Variants in GRIA4 observed in about 807,000 individuals in gnomAD.
The protein encoded by GRIA4 is glutamate ionotropic receptor AMPA type subunit 4, also known as glutamate receptor 4.
Under a neutral mutation model 104.0 loss-of-function variants are expected in GRIA4, and 34 were observed. The ratio of observed to expected loss-of-function variants is 0.33; its 90% CI spans 0.25 to 0.44. GRIA4 has a LOEUF of 0.44. Among genes scored for constraint, GRIA4 ranks in the 20% least tolerant of loss-of-function variants. The pLI, the probability that GRIA4 is intolerant of heterozygous loss-of-function variation, is 1.00. For synonymous variants in GRIA4, 386 were observed against 381.9 expected (o/e 1.01, Z -0.13); for missense variants, 750 against 1,096.5 (o/e 0.68, Z 4.46).
chr11:105,685,872 C>G (rs11601239), intron 3 of GRIA4, among the ~76,000 whole-genome samples: 72,755 of 151,508 alleles, frequency 0.48, 18,128 homozygotes, highest in Admixed American at 0.58. Flanking sequence ...TAAGTGAATA[C>G]GTTTGAAATC....
chr11:105,680,372 C>T (rs1022220353), intron 3 of GRIA4, among the ~76,000 whole-genome samples: 2 of 152,030 alleles, frequency 1.3e-5, no homozygotes, highest in Non-Finnish European at 2.9e-5. Context: ...CATATACAGC[C>T]TCTTGAAGAA....
At chr11:105,655,053 CT>C (rs1450071337) in intron 3 of GRIA4, among the ~76,000 whole-genome samples, 1 of 152,134 alleles carries the variant, frequency 6.6e-6, no homozygotes, top group Non-Finnish European at 1.5e-5. Flanking sequence ...TGTAGAGACC[CT>C]TTTCTTAATT....
intron 3 of GRIA4, among the ~76,000 whole-genome samples, chr11:105,673,611 T>C (rs2135445124): frequency 6.6e-6 from 1 of 152,186 alleles, no homozygotes; most frequent in South Asian, 2.1e-4. Context: ...GGAAATATCT[T>C]GTATCCACTC....
intron 14 of GRIA4, among the ~76,000 whole-genome samples, chr11:105,938,508 C>T (rs1405746136): frequency 6.6e-6 from 1 of 152,124 alleles, no homozygotes; most frequent in South Asian, 2.1e-4. Flanking sequence ...GGTTGGTACA[C>T]AAACACATTT....
chr11:105,703,634 T>A (rs1446515671), intron 3 of GRIA4, among the ~76,000 whole-genome samples: 3 of 152,168 alleles, frequency 2.0e-5, no homozygotes, highest in Non-Finnish European at 2.9e-5. Flanking sequence ...GGTAAAATTA[T>A]GGATTTTTTT....
rs746006379 is a variant in GRIA4, at chr11:105,862,220, A to T, written c.672+12A>T. 5 of 1,484,076 alleles carry T rather than the reference A, an allele frequency of 3.4e-6. No homozygotes were observed. The highest frequency in any genetic ancestry group is 2.8e-6 in the Non-Finnish European group (3 of 1,064,220). The allele number at this position is 1,484,076 out of a possible 1,614,324, so 91.9% of individuals were successfully genotyped here. On this transcript the variant is annotated intron_variant, in intron 5 of 16. Transcript: ENST00000282499. ...ACATATTAGAACAGGTAAGTCCTAGATTTTATATTTTTAACCTAGACCCTA... is the reference window on the plus strand; with the variant it reads ...ACATATTAGAACAGGTAAGTCCTAGTTTTTATATTTTTAACCTAGACCCTA...
intron 11 of GRIA4, among the ~76,000 whole-genome samples, chr11:105,923,609 AG>A (rs1721270826): frequency 6.6e-6 from 1 of 152,214 alleles, no homozygotes; most frequent in Admixed American, 6.6e-5. Context: ...TGAGGTAAAC[AG>A]GGAAAAAGTA....
At chr11:105,705,857 A>C (rs1953678209) in intron 3 of GRIA4, among the ~76,000 whole-genome samples, 1 of 152,176 alleles carries the variant, frequency 6.6e-6, no homozygotes, top group Non-Finnish European at 1.5e-5. Flanking sequence ...GTTTAATAAA[A>C]CTGCATGTAC....
chr11:105,712,272 T>TC (rs1271988218), intron 3 of GRIA4, among the ~76,000 whole-genome samples: 20 of 152,084 alleles, frequency 1.3e-4, no homozygotes, highest in Non-Finnish European at 2.5e-4. Flanking sequence ...TTTTTCTCCA[T>TC]GGTAGAGAAC....
intron 3 of GRIA4, among the ~76,000 whole-genome samples, chr11:105,679,706 A>G (rs191823974): frequency 9.7e-4 from 147 of 152,314 alleles, no homozygotes; most frequent in Middle Eastern, 3.4e-3. Flanking sequence ...ATAAATATAT[A>G]TACACACACA....
chr11:105,964,954 C>T (rs1268673412), intron 14 of GRIA4, among the ~76,000 whole-genome samples: 1 of 151,992 alleles, frequency 6.6e-6, no homozygotes, highest in Non-Finnish European at 1.5e-5. Flanking sequence ...TTACAGGTGC[C>T]CACAACCATG....
Position 105,847,006 on chromosome 11 carries a change from C to T in GRIA4, c.488-15018C>T, listed in dbSNP as rs1049871062. ...TCTTTTTGGCACCGGGGACCGGTTT[C>T]CTGGAAGACAATTTTTCCAGGAAAA... is the stretch of plus-strand genomic sequence containing the variant. On this transcript the variant is annotated intron_variant, in intron 4 of 16. Coordinates refer to ENST00000282499, the MANE Select transcript of GRIA4 (RefSeq NM_000829.4). 5.9e-5 allele frequency among the ~76,000 whole-genome samples: 9 copies of T among 152,156 alleles called. No individual in the cohort carries two copies. In the South Asian group the frequency reaches 8.3e-4, roughly 14 times the overall value.
At chr11:105,661,638 TG>T (rs1033392507) in intron 3 of GRIA4, among the ~76,000 whole-genome samples, 1 of 151,260 alleles carries the variant, frequency 6.6e-6, no homozygotes, top group African/African-American at 2.4e-5. Context: ...TATAAATTGA[TG>T]AAAAAAATTA....
At chr11:105,623,484 T>C (rs1950807297) in intron 3 of GRIA4, among the ~76,000 whole-genome samples, 1 of 152,034 alleles carries the variant, frequency 6.6e-6, no homozygotes, top group Non-Finnish European at 1.5e-5. Flanking sequence ...ATTCCAACTC[T>C]TTACCATGGC....
chr11:105,960,865 A>G (rs1239064740), intron 14 of GRIA4, among the ~76,000 whole-genome samples: 3 of 152,144 alleles, frequency 2.0e-5, no homozygotes, highest in African/African-American at 7.2e-5. Flanking sequence ...GTGGCTGTGG[A>G]GAGGAGGTTC....
intron 4 of GRIA4, among the ~76,000 whole-genome samples, chr11:105,840,544 A>G (rs924606908): frequency 2.6e-5 from 4 of 152,178 alleles, no homozygotes; most frequent in African/African-American, 9.7e-5. Flanking sequence ...TGTGTGAGGC[A>G]TTTTAGAAGG....
intron 5 of GRIA4, among the ~76,000 whole-genome samples, chr11:105,864,179 A>T (rs2136027863): frequency 6.6e-6 from 1 of 152,322 alleles, no homozygotes; most frequent in East Asian, 1.9e-4. Flanking sequence ...TAATTGTCCT[A>T]TAAAATTTTC....
At chr11:105,686,692 C>G (rs866434257) in intron 3 of GRIA4, among the ~76,000 whole-genome samples, 1 of 152,314 alleles carries the variant, frequency 6.6e-6, no homozygotes. Context: ...TTCCCACCAA[C>G]AGTATATAAG....
chr11:105,845,815 CG>C (rs1460718670), intron 4 of GRIA4, among the ~76,000 whole-genome samples: 3 of 152,030 alleles, frequency 2.0e-5, no homozygotes, highest in African/African-American at 4.8e-5. Flanking sequence ...GACGTGAACC[CG>C]GGAGTCGGAG....
Sources: gnomAD v4.1 joint callset for allele counts (sites outside exome capture counted in the v4.1 genomes callset) on GRCh38, gnomAD v4.1.1 for gene constraint, MANE v1.5 for transcripts, NCBI Gene and HGNC (gene_info 2026-07-23, HGNC 2026-07-21) for gene names.